FAM107B: variants seen among roughly 807,000 people sequenced by gnomAD.
FAM107B encodes the protein family with sequence similarity 107 member B.
A neutral mutation model predicts 31.5 loss-of-function variants in FAM107B; 21 were observed. The observed-to-expected ratio is 0.67, with a 90% CI of 0.47 to 0.96. The LOEUF is 0.96. FAM107B is among the 40% of genes least tolerant of loss of function. The probability of loss-of-function intolerance (pLI) is 0.00; values close to 1 mark genes in which losing one functional copy is unlikely to be tolerated. For synonymous variants in FAM107B, 157 were observed against 141.5 expected, an observed-to-expected ratio of 1.11 and a Z score of -0.78; for missense variants, 452 against 377.1, an observed-to-expected ratio of 1.20 and a Z score of -1.64.
intron 2 of FAM107B, among the ~76,000 whole-genome samples, chr10:14,597,262 A>C (rs1279226480): frequency 6.6e-6 from 1 of 152,204 alleles, no homozygotes; most frequent in Admixed American, 6.5e-5. Flanking sequence ...ACCTGTGATT[A>C]TTTATACTGC....
intron 2 of FAM107B, among the ~76,000 whole-genome samples, chr10:14,627,837 G>T (rs1186096812): frequency 6.6e-6 from 1 of 152,116 alleles, no homozygotes; most frequent in Non-Finnish European, 1.5e-5. Context: ...TCCAACGAGA[G>T]AGTGGCACAA....
rs138798275 is a variant in FAM107B, at chr10:14,522,204, G to C, written c.654-185C>G. 613 of 723,160 alleles carry C rather than the reference G, an allele frequency of 8.5e-4. 2 individuals carry two copies. The African/African-American group carries it at 9.6e-3, about 11-fold the overall frequency. The allele number at this position is 723,160 out of a possible 1,614,324, so 44.8% of individuals were successfully genotyped here. A position where few individuals can be genotyped will look rare whatever the true frequency, so the allele number is the denominator to read the frequency against. On this transcript the variant is annotated intron_variant, in intron 3 of 4. Transcript: ENST00000181796. ...CACCAGCACGAAAGAAAGGCAAGAG[G>C]AGATCTCCAAAGAGTACATAAAATC...
intron 1 of FAM107B, among the ~76,000 whole-genome samples, chr10:14,743,360 G>T (rs1331370854): frequency 6.6e-6 from 1 of 152,014 alleles, no homozygotes; most frequent in African/African-American, 2.4e-5. Flanking sequence ...TCTTTAATTA[G>T]ATCCCATTTG....
At chr10:14,725,806 A>G (rs1856019160) in intron 1 of FAM107B, among the ~76,000 whole-genome samples, 1 of 150,148 alleles carries the variant, frequency 6.7e-6, no homozygotes. Flanking sequence ...TCTAGGGAGC[A>G]AAAGCAGTCA....
chr10:14,548,356 C>G (rs924790389), intron 2 of FAM107B: 2 of 935,590 alleles, frequency 2.1e-6, no homozygotes, highest in Non-Finnish European at 2.5e-6. Context: ...GCTCTTCCGA[C>G]TGCACCTCCT....
chr10:14,703,209 A>G (rs900161144), intron 1 of FAM107B, among the ~76,000 whole-genome samples: 1 of 151,910 alleles, frequency 6.6e-6, no homozygotes, highest in Non-Finnish European at 1.5e-5. Flanking sequence ...TCTCCTAATC[A>G]TCAGCCTTTG....
chr10:14,740,161 T>C (rs12256513), intron 1 of FAM107B, among the ~76,000 whole-genome samples: 5,625 of 152,284 alleles, frequency 0.037, 365 homozygotes, highest in African/African-American at 0.13. Context: ...ACGTGAATGT[T>C]TATAGAAGCG....
intron 1 of FAM107B, among the ~76,000 whole-genome samples, chr10:14,670,685 T>C (rs1277438778): frequency 6.6e-6 from 1 of 152,168 alleles, no homozygotes; most frequent in Non-Finnish European, 1.5e-5. Flanking sequence ...TCCAAACATA[T>C]TTATTACTCC....
Position 14,724,956 on chromosome 10 carries a change from G to T in FAM107B, c.411+49297C>A, listed in dbSNP as rs147261191. Among the ~76,000 whole-genome samples, 3 of 152,310 alleles carry T rather than the reference G, an allele frequency of 2.0e-5. No homozygotes were observed. In the East Asian group the frequency reaches 5.8e-4, roughly 29 times the overall value. ...TAAACATTTGCAGAACCATCCACAA[G>T]GCTCCCATAACTTCAAAAGGCTGCA... On this transcript the variant is annotated intron_variant, in intron 1 of 4. Transcript: ENST00000181796.
intron 1 of FAM107B, among the ~76,000 whole-genome samples, chr10:14,749,811 C>G (rs1588753421): frequency 6.6e-6 from 1 of 152,324 alleles, no homozygotes; most frequent in Non-Finnish European, 1.5e-5. Flanking sequence ...AGTTCCAAAA[C>G]CACATTATGC....
intron 2 of FAM107B, among the ~76,000 whole-genome samples, chr10:14,657,513 C>A (rs1419497291): frequency 6.6e-6 from 1 of 152,126 alleles, no homozygotes; most frequent in Non-Finnish European, 1.5e-5. Context: ...AAATCTTCAC[C>A]CCCACCCCTG....
rs893997936 is a variant in FAM107B, at chr10:14,650,929, T to C, written c.469+16705A>G. On this transcript the variant is annotated intron_variant, in intron 2 of 4. Transcript: ENST00000181796. ...TAAGTTCAGCGTTAAGTGTTAATGA[T>C]AGTGAAGGAAACTTCTAGCGTCTGA... 3.9e-5 allele frequency among the ~76,000 whole-genome samples: 6 copies of C among 152,352 alleles called. No individual in the cohort carries two copies. The South Asian group carries it at 8.3e-4, about 21-fold the overall frequency.
rs770778632 is a variant in FAM107B at position 14,774,513 on chromosome 10, T to C, written c.151A>G (p.Thr51Ala). Reference sequence around the variant, plus strand: ...TTGGCCACAGGCTGCACACGGACGGTGGAATGAGTATCAGCCACGCCGGAC... The same window carrying C: ...TTGGCCACAGGCTGCACACGGACGGCGGAATGAGTATCAGCCACGCCGGAC... ...NQSGVADTHS[T>A]VRVQPVAKAG... The change falls in exon 1 of 5, where the codon ACC (threonine) becomes GCC (alanine). Residue 51 changes from threonine to alanine, a missense_variant. By Grantham distance (58) the Thr-to-Ala change is moderately conservative. Coordinates refer to ENST00000181796, the MANE Select transcript of FAM107B (RefSeq NM_031453.4). The C allele has an allele frequency of 7.4e-6, 12 of 1,613,944 alleles. No homozygotes were observed. The highest frequency in any genetic ancestry group is 2.2e-5 in the East Asian group (1 of 44,892).
At chr10:14,741,138 G>A (rs1856427046) in intron 1 of FAM107B, among the ~76,000 whole-genome samples, 1 of 152,132 alleles carries the variant, frequency 6.6e-6, no homozygotes, top group Non-Finnish European at 1.5e-5. Context: ...ATGACAGCCA[G>A]AATCAGGGTA....
chr10:14,610,079 C>A (rs1331304276), intron 2 of FAM107B, among the ~76,000 whole-genome samples: 1 of 152,194 alleles, frequency 6.6e-6, no homozygotes, highest in African/African-American at 2.4e-5. Context: ...CACGGTGGCT[C>A]ACGCCTGTAA....
At chr10:14,567,132 G>A (rs1017430564) in intron 2 of FAM107B, among the ~76,000 whole-genome samples, 1 of 152,154 alleles carries the variant, frequency 6.6e-6, no homozygotes, top group Non-Finnish European at 1.5e-5. Context: ...CAGCCTGGGT[G>A]ACAGAGCGAG....
intron 1 of FAM107B, among the ~76,000 whole-genome samples, chr10:14,764,349 C>A (rs1833119623): frequency 6.6e-6 from 1 of 152,160 alleles, no homozygotes; most frequent in Non-Finnish European, 1.5e-5. Flanking sequence ...TTAGGATGGG[C>A]AATCAAATCC....
chr10:14,636,587 C>T lies in FAM107B; in HGVS notation c.469+31047G>A, dbSNP rs557962253. On this transcript the variant is annotated intron_variant, in intron 2 of 4. Coordinates refer to ENST00000181796, the MANE Select transcript of FAM107B (RefSeq NM_031453.4). Reference sequence around the variant, plus strand: ...GGACATCAGTAATATTGGATTATGGCCCACTCTAACAGCCTGATTTTAACT... The same window carrying T: ...GGACATCAGTAATATTGGATTATGGTCCACTCTAACAGCCTGATTTTAACT... Among the ~76,000 whole-genome samples, 7 of 152,262 alleles carry T rather than the reference C, an allele frequency of 4.6e-5. No homozygotes were observed. The South Asian group carries it at 1.5e-3, about 32-fold the overall frequency.
chr10:14,572,739 T>TTTATATATATATATATATATATGTA (rs1325278545), intron 2 of FAM107B, among the ~76,000 whole-genome samples: 14 of 91,984 alleles, frequency 1.5e-4, no homozygotes, highest in Admixed American at 6.1e-4. Flanking sequence ...AAAAAAAAAT[T>TTTATATATATATATATATATATGTA]TATATATATA....
Sources: allele counts gnomAD v4.1 joint callset (sites outside exome capture counted in the v4.1 genomes callset), GRCh38; gene constraint gnomAD v4.1.1; transcripts MANE v1.5; gene names NCBI Gene and HGNC (gene_info 2026-07-23, HGNC 2026-07-21).